Variants in ZNF44 observed in about 807,000 individuals in gnomAD.
ZNF44 encodes the protein gonadotropin inducible transcription repressor-2.
A neutral mutation model predicts 11.7 loss-of-function variants in ZNF44; 9 were observed. The observed-to-expected ratio is 0.77, with a 90% CI of 0.46 to 1.35. The LOEUF is 1.35. Ranked by LOEUF, ZNF44 falls within the 40% of genes most tolerant of loss-of-function variation. The pLI is 0.00. For missense variants in ZNF44, 696 were observed against 743.1 expected, an observed-to-expected ratio of 0.94 and a Z score of 0.74; for synonymous variants, 224 against 242.7, an observed-to-expected ratio of 0.92 and a Z score of 0.72.
At chr19:12,237,667 CTAGGA>C (rs1434779931), upstream of ZNF44, 1 of 152,260 alleles carries the variant, frequency 6.6e-6, no homozygotes, top group Non-Finnish European at 1.5e-5. Context: ...CCCAGTACCC[CTAGGA>C]TAGGAATCAA....
intron 5 of ZNF44, among the ~76,000 whole-genome samples, chr19:12,258,160 C>CAAAAAAAAA: frequency 1.8e-5 from 1 of 55,888 alleles, no homozygotes; most frequent in Non-Finnish European, 3.4e-5. Context: ...CTCATCTCTA[C>CAAAAAAAAA]AAAAAAAAAA....
chr19:12,253,903 C>A (rs574757642), intron 5 of ZNF44, among the ~76,000 whole-genome samples: 1 of 152,008 alleles, frequency 6.6e-6, no homozygotes, highest in Non-Finnish European at 1.5e-5. Flanking sequence ...CGCTTGAACC[C>A]GGGAGGCAGG....
chr19:12,290,260 C>A (rs1170604220), intron 1 of ZNF44, among the ~76,000 whole-genome samples: 1 of 151,668 alleles, frequency 6.6e-6, no homozygotes, highest in Admixed American at 6.6e-5. Context: ...TGGCACATGC[C>A]TATAATCCCA....
At chr19:12,226,020 A>AGGATTTAACAACATGTGTGCTATC (rs1915903596), downstream of ZNF44, 3 of 152,352 alleles carry the variant, frequency 2.0e-5, no homozygotes, top group Admixed American at 1.3e-4. Flanking sequence ...AGGCAACACC[A>AGGATTTAACAACATGTGTGCTATC]GGATTTAACA....
intron 5 of ZNF44, among the ~76,000 whole-genome samples, chr19:12,265,368 G>A (rs1159721654): frequency 2.0e-5 from 3 of 151,658 alleles, no homozygotes; most frequent in Non-Finnish European, 4.4e-5. Flanking sequence ...CTCAGCGAGA[G>A]GGAGACACTG....
At chr19:12,249,960 TTTC>T (rs1466039277) in intron 7 of ZNF44, 1 of 1,271,248 alleles carries the variant, frequency 7.9e-7, no homozygotes, top group East Asian at 5.6e-5. Context: ...ACTGCTTTCT[TTTC>T]TGAGTGTGAC....
chr19:12,255,432 CA>C (rs1917210298), intron 5 of ZNF44, among the ~76,000 whole-genome samples: 1 of 151,982 alleles, frequency 6.6e-6, no homozygotes, highest in Non-Finnish European at 1.5e-5. Context: ...TTACTAATAT[CA>C]CAAATGAAAA....
At chr19:12,289,263 G>T (rs1967900092) in intron 1 of ZNF44, among the ~76,000 whole-genome samples, 1 of 151,948 alleles carries the variant, frequency 6.6e-6, no homozygotes, top group Non-Finnish European at 1.5e-5. Flanking sequence ...AGCTGTGATG[G>T]CCCCACTGCA....
chr19:12,226,195 T>G (rs1259663377), exon 4 of ZNF44: 4 of 152,222 alleles, frequency 2.6e-5, no homozygotes, highest in Non-Finnish European at 5.9e-5. Flanking sequence ...TCCTTTAAAT[T>G]GGCTTTGATG....
chr19:12,232,991 G>A (rs1238130261), intron 2 of ZNF44, among the ~76,000 whole-genome samples: 1 of 152,160 alleles, frequency 6.6e-6, no homozygotes, highest in African/African-American at 2.4e-5. Flanking sequence ...TCGTGGACAA[G>A]CACCTCATTT....
At chr19:12,233,550 CAAAAAA>C (rs58060175) in intron 2 of ZNF44, among the ~76,000 whole-genome samples, 8 of 80,868 alleles carry the variant, frequency 9.9e-5, no homozygotes, top group African/African-American at 2.5e-4. Flanking sequence ...ACCCATACAT[CAAAAAA>C]AAAAAAAAAA....
At chr19:12,276,217 T>C (rs1967213738) in intron 1 of ZNF44, 135 bp from the exon 2 acceptor site, 1 of 1,359,136 alleles carries the variant, frequency 7.4e-7, no homozygotes, top group African/African-American at 1.4e-5. Flanking sequence ...CCACTCTTAT[T>C]CTGTGTCTGC....
chr19:12,266,623 C>T (rs1359737356), intron 5 of ZNF44, among the ~76,000 whole-genome samples: 1 of 152,146 alleles, frequency 6.6e-6, no homozygotes, highest in African/African-American at 2.4e-5. Flanking sequence ...AGATTCTTGA[C>T]CATTGCCCTT....
In ZNF44 at chr19:12,249,638, C is replaced by T. The variant is rs544247207; in HGVS notation, c.*186+340G>A. Among the ~76,000 whole-genome samples the T allele has an allele frequency of 5.3e-5, 8 of 152,198 alleles. No homozygotes were observed. The South Asian group carries it at 1.0e-3, about 20-fold the overall frequency. Reference sequence around the variant, plus strand: ...CACAATCTCGGCTTACTGCAGCCTCCGCCTCCCGGGTTAAAGCGATTCTCC... The same window carrying T: ...CACAATCTCGGCTTACTGCAGCCTCTGCCTCCCGGGTTAAAGCGATTCTCC... On this transcript the variant is annotated intron_variant and NMD_transcript_variant, in intron 7 of 7. Transcript: ENST00000393337.
intron 5 of ZNF44, among the ~76,000 whole-genome samples, chr19:12,254,748 A>ATAC (rs1158347718): frequency 6.6e-6 from 1 of 151,624 alleles, no homozygotes; most frequent in Non-Finnish European, 1.5e-5. Context: ...AATAATAATA[A>ATAC]TAATAATAAA....
intron 1 of ZNF44, among the ~76,000 whole-genome samples, chr19:12,281,324 T>A (rs73004275): frequency 0.18 from 27,686 of 152,074 alleles, 2,598 homozygotes; most frequent in East Asian, 0.27. Context: ...GCCACAAACT[T>A]CTCAACTACA....
At chr19:12,275,270 G>A (rs777195028) in intron 2 of ZNF44, among the ~76,000 whole-genome samples, 4 of 152,100 alleles carry the variant, frequency 2.6e-5, no homozygotes, top group Non-Finnish European at 5.9e-5. Context: ...ATGTGAAGAT[G>A]AGGATGAAAA....
At chr19:12,231,041 T>C (rs943058499) in intron 2 of ZNF44, among the ~76,000 whole-genome samples, 1 of 152,134 alleles carries the variant, frequency 6.6e-6, no homozygotes, top group African/African-American at 2.4e-5. Context: ...CTGATGCCCT[T>C]TGGATTTAGG....
At chr19:12,261,573 G>A (rs1917511649) in intron 5 of ZNF44, among the ~76,000 whole-genome samples, 1 of 152,176 alleles carries the variant, frequency 6.6e-6, no homozygotes, top group Admixed American at 6.5e-5. Flanking sequence ...AGGTTACAGA[G>A]AGCTATGATT....
Sources: gnomAD v4.1 joint callset for allele counts (sites outside exome capture counted in the v4.1 genomes callset) on GRCh38, gnomAD v4.1.1 for gene constraint, MANE v1.5 for transcripts, NCBI Gene and HGNC (gene_info 2026-07-23, HGNC 2026-07-21) for gene names.